PDE4B: variants seen among roughly 807,000 people sequenced by gnomAD.
PDE4B encodes 3',5'-cyclic-AMP phosphodiesterase 4B.
In PDE4B, 20 loss-of-function variants were observed where a neutral mutation model predicts 82.2. The observed-to-expected ratio is 0.24, with a 90% CI of 0.17 to 0.35. The LOEUF (loss-of-function observed/expected upper bound fraction) is 0.35. Among genes scored for constraint, PDE4B ranks in the 10% least tolerant of loss-of-function variants. PDE4B has a pLI of 1.00. For synonymous variants in PDE4B, 320 were observed against 318.9 expected (o/e 1.00, Z -0.04); for missense variants, 655 against 907.2 (o/e 0.72, Z 3.57).
intron 7 of PDE4B, among the ~76,000 whole-genome samples, chr1:66,310,527 TTCTAGGATACCC>T (rs1287661371): frequency 1.3e-5 from 2 of 152,292 alleles, no homozygotes; most frequent in Non-Finnish European, 2.9e-5. Context: ...GGAATTCAAT[TTCTAGGATACCC>T]TCTTCTCATA....
intron 7 of PDE4B, among the ~76,000 whole-genome samples, chr1:66,324,608 C>T (rs1385974256): frequency 2.6e-5 from 4 of 152,084 alleles, no homozygotes; most frequent in Non-Finnish European, 5.9e-5. Context: ...CTAAAGAGAT[C>T]GGCATCAAAA....
At chr1:66,070,699 A>G (rs1292551065) in intron 3 of PDE4B, among the ~76,000 whole-genome samples, 1 of 152,002 alleles carries the variant, frequency 6.6e-6, no homozygotes, top group Non-Finnish European at 1.5e-5. Context: ...CAGGAAAGAG[A>G]TAGTTGCCAT....
intron 1 of PDE4B, among the ~76,000 whole-genome samples, chr1:65,887,414 GTTTTTTTTTTT>G (rs34263724): frequency 2.6e-4 from 2 of 7,734 alleles, no homozygotes; most frequent in African/African-American, 1.5e-3. Flanking sequence ...TTTTTCTTCT[GTTTTTTTTTTT>G]TTTTTTTTTT....
At chr1:66,109,090 T>C (rs1645429993) in intron 3 of PDE4B, among the ~76,000 whole-genome samples, 1 of 151,970 alleles carries the variant, frequency 6.6e-6, no homozygotes, top group African/African-American at 2.4e-5. Context: ...ATCAGTAAGG[T>C]AATTAATGCA....
chr1:66,133,309 C>A (rs1283375629), intron 3 of PDE4B, among the ~76,000 whole-genome samples: 3 of 152,036 alleles, frequency 2.0e-5, no homozygotes, highest in Admixed American at 6.6e-5. Context: ...TTGGGTATCA[C>A]CATCAAACAA....
At chr1:65,922,065 G>A (rs756637445) in intron 3 of PDE4B, among the ~76,000 whole-genome samples, 4 of 152,124 alleles carry the variant, frequency 2.6e-5, no homozygotes, top group Non-Finnish European at 5.9e-5. Flanking sequence ...AAAAAGGCCG[G>A]GAATATAAGA....
chr1:66,011,141 C>T (rs1652462234), intron 3 of PDE4B, among the ~76,000 whole-genome samples: 1 of 150,222 alleles, frequency 6.7e-6, no homozygotes, highest in South Asian at 2.1e-4. Context: ...CATGGATATA[C>T]CAAAATGTGT....
intron 15 of PDE4B, 28 bp downstream of exon 15, chr1:66,368,093 A>C (rs1341613942): frequency 1.2e-6 from 2 of 1,608,192 alleles, no homozygotes; most frequent in South Asian, 2.2e-5. Flanking sequence ...TTGATTTAAC[A>C]CAAAACCAAA....
intron 3 of PDE4B, among the ~76,000 whole-genome samples, chr1:65,943,253 G>C (rs1389775073): frequency 6.6e-6 from 1 of 151,690 alleles, no homozygotes; most frequent in African/African-American, 2.4e-5. Context: ...TGCCAACATC[G>C]TTTATTAACG....
intron 3 of PDE4B, among the ~76,000 whole-genome samples, chr1:66,151,300 A>C (rs1467494261): frequency 6.6e-6 from 1 of 152,186 alleles, no homozygotes; most frequent in Non-Finnish European, 1.5e-5. Flanking sequence ...CATTGCCTAC[A>C]TGTTAAAATT....
At chr1:66,080,585 G>A (rs1274075034) in intron 3 of PDE4B, among the ~76,000 whole-genome samples, 1 of 152,082 alleles carries the variant, frequency 6.6e-6, no homozygotes, top group Non-Finnish European at 1.5e-5. Flanking sequence ...AAAACAAAGT[G>A]GGAAAAGCAT....
chr1:66,304,678 A>G (rs1287551281), intron 7 of PDE4B, among the ~76,000 whole-genome samples: 1 of 152,164 alleles, frequency 6.6e-6, no homozygotes, highest in African/African-American at 2.4e-5. Context: ...GACAATAAAC[A>G]CAGTGCTCCT....
At chr1:66,030,032 T>G (rs956555723) in intron 3 of PDE4B, among the ~76,000 whole-genome samples, 2 of 70,864 alleles carry the variant, frequency 2.8e-5, no homozygotes, top group Non-Finnish European at 5.3e-5. Context: ...CCTAATCTGT[T>G]GAGGGTTTTT....
chr1:66,164,552 A>G (rs1041196041), intron 3 of PDE4B, among the ~76,000 whole-genome samples: 4 of 147,266 alleles, frequency 2.7e-5, no homozygotes, highest in African/African-American at 4.9e-5. Context: ...AAAAAAAAAA[A>G]AAAAAAAAAA....
At chr1:66,315,311 T>A (rs1658951700) in intron 7 of PDE4B, among the ~76,000 whole-genome samples, 1 of 152,252 alleles carries the variant, frequency 6.6e-6, no homozygotes, top group Non-Finnish European at 1.5e-5. Context: ...TTTATTACTA[T>A]TAAACATAGA....
At chr1:66,264,135 G>A (rs1654872745) in intron 6 of PDE4B, among the ~76,000 whole-genome samples, 1 of 152,152 alleles carries the variant, frequency 6.6e-6, no homozygotes, top group Admixed American at 6.5e-5. Flanking sequence ...TGCTACAAAA[G>A]AGAAGTACAG....
chr1:66,281,922 A>G (rs914922464), intron 7 of PDE4B, among the ~76,000 whole-genome samples: 5 of 152,222 alleles, frequency 3.3e-5, no homozygotes, highest in Non-Finnish European at 5.9e-5. Flanking sequence ...GATCGGAACC[A>G]TAAAGACACT....
chr1:66,179,426 G>A (rs1347184515), intron 3 of PDE4B, among the ~76,000 whole-genome samples: 1 of 152,150 alleles, frequency 6.6e-6, no homozygotes, highest in Non-Finnish European at 1.5e-5. Flanking sequence ...CAGAAGTTAT[G>A]TGAAGAAGAT....
intron 3 of PDE4B, among the ~76,000 whole-genome samples, chr1:66,109,412 A>T (rs943456631): frequency 3.3e-5 from 5 of 151,814 alleles, no homozygotes; most frequent in African/African-American, 9.7e-5. Flanking sequence ...GGAATGAAGG[A>T]GCAGTAAGGT....
Sources: allele counts gnomAD v4.1 joint callset (sites outside exome capture counted in the v4.1 genomes callset), GRCh38; gene constraint gnomAD v4.1.1; transcripts MANE v1.5; gene names NCBI Gene and HGNC (gene_info 2026-07-23, HGNC 2026-07-21).